SEPTIN11: variants seen among roughly 807,000 people sequenced by gnomAD.
The protein encoded by SEPTIN11 is septin-11.
SEPTIN11 carries 25 observed loss-of-function variants against 51.4 expected under a neutral mutation model. The observed-to-expected ratio is 0.49, with a 90% CI of 0.35 to 0.68. The LOEUF (loss-of-function observed/expected upper bound fraction) is 0.68. Ranked by LOEUF, SEPTIN11 falls within the 30% of genes least tolerant of loss-of-function variation. The pLI is 0.00. For missense variants in SEPTIN11, 381 were observed against 520.8 expected (o/e 0.73, Z 2.61); for synonymous variants, 174 against 184.1 (o/e 0.95, Z 0.44).
At chr4:76,990,628 G>T (rs1412545031) in intron 1 of SEPTIN11, among the ~76,000 whole-genome samples, 2 of 152,168 alleles carry the variant, frequency 1.3e-5, no homozygotes, top group East Asian at 3.9e-4. Context: ...TTCCTTATGA[G>T]AATCTAATGC....
chr4:76,959,255 T>G (rs1281225086), intron 1 of SEPTIN11: 1 of 159,190 alleles, frequency 6.3e-6, no homozygotes, highest in African/African-American at 2.4e-5. Context: ...AAGACAAGGT[T>G]TTTTTTTTTT....
Position 77,014,661 on chromosome 4 carries a change from CAAA to C in SEPTIN11, c.526-183_526-181del, listed in dbSNP as rs11323704. Among the ~76,000 whole-genome samples, 634 of 144,904 alleles carry C rather than the reference CAAA, an allele frequency of 4.4e-3. 5 individuals carry two copies. Among genetic ancestry groups the C allele is most frequent in the African/African-American group, 0.015 (599 of 39,658 alleles). The stretch of plus-strand genomic sequence containing the variant: ...CTGATTTTCATTATCATCTCTACCC[CAAA>C]AAAAAAAAAAATTGTAGGTACATAG... On this transcript the variant is annotated intron_variant, in intron 4 of 9. Coordinates refer to ENST00000264893, the MANE Select transcript of SEPTIN11 (RefSeq NM_018243.4).
intron 5 of SEPTIN11, among the ~76,000 whole-genome samples, chr4:77,018,204 A>G (rs1725432585): frequency 6.6e-6 from 1 of 151,742 alleles, no homozygotes; most frequent in Non-Finnish European, 1.5e-5. Context: ...TAATCCCAGC[A>G]CTTTCGGAGG....
intron 7 of SEPTIN11, chr4:77,020,949 A>C: frequency 5.7e-6 from 2 of 350,622 alleles, no homozygotes; most frequent in Admixed American, 4.5e-5. Flanking sequence ...GTAGTAAACA[A>C]TGGTGTGGTG....
intron 9 of SEPTIN11, among the ~76,000 whole-genome samples, chr4:77,033,217 A>G (rs758271166): frequency 1.3e-5 from 2 of 152,048 alleles, no homozygotes; most frequent in African/African-American, 2.4e-5. Flanking sequence ...GGTTAGAGGG[A>G]CCGCAGAAAG....
chr4:76,958,190 C>T (rs1560692340), intron 1 of SEPTIN11, among the ~76,000 whole-genome samples: 7 of 152,222 alleles, frequency 4.6e-5, no homozygotes. Context: ...AGGTGTAGAC[C>T]TCGCAAGTCC....
In SEPTIN11 at chr4:77,038,608, A is replaced by T. The variant is rs1362308705; in HGVS notation, c.*4096A>T. 31 of 993,456 alleles carry T rather than the reference A, an allele frequency of 3.1e-5. No individual in the cohort carries two copies. Among genetic ancestry groups the T allele is most frequent in the Non-Finnish European group, 3.6e-5 (30 of 835,054 alleles). 61.5% of individuals were successfully genotyped at this position (993,456 alleles called of 1,614,324 possible). Reference sequence around the variant, plus strand: ...AGCGGGGGAAAATATATTTTTACCCAAACATTATTTGTGTGCCCTTTTTTG... The same window carrying T: ...AGCGGGGGAAAATATATTTTTACCCTAACATTATTTGTGTGCCCTTTTTTG... On this transcript the variant is annotated 3_prime_UTR_variant, in exon 10 of 10. Transcript: ENST00000264893.
At chr4:76,974,686 T>G in intron 1 of SEPTIN11, 1 of 448,000 alleles carries the variant, frequency 2.2e-6, no homozygotes, top group South Asian at 1.6e-5. Flanking sequence ...GTCACCGATC[T>G]TGTGTTTAGG....
At position 76,999,256 on chromosome 4, in the gene SEPTIN11, G is replaced by A. The variant is rs77524686; in HGVS notation, c.142+2717G>A. Among the ~76,000 whole-genome samples the A allele has an allele frequency of 5.8e-3, 885 of 152,164 alleles. 10 individuals are homozygous for A. The highest frequency in any genetic ancestry group is 0.02 in the African/African-American group (829 of 41,520). ...CTCAGAGAGTTGAATATCAAATCCC[G>A]TTGCCATACATATTTTATAGCATAA... On this transcript the variant is annotated intron_variant, in intron 2 of 9. Coordinates refer to ENST00000264893, the MANE Select transcript of SEPTIN11 (RefSeq NM_018243.4).
chr4:77,016,655 T>TATATAC (rs1553975019), intron 5 of SEPTIN11, among the ~76,000 whole-genome samples: 3 of 109,024 alleles, frequency 2.8e-5, no homozygotes, highest in Admixed American at 9.3e-5. Flanking sequence ...TATATATATA[T>TATATAC]ACACATATAT....
At chr4:76,958,727 T>G in intron 1 of SEPTIN11, 1 of 557,696 alleles carries the variant, frequency 1.8e-6, no homozygotes, top group South Asian at 2.3e-5. Context: ...TTGTTGTTGT[T>G]AGAATTAATG....
intron 1 of SEPTIN11, chr4:76,958,746 T>C (rs543517062): frequency 1.7e-6 from 1 of 596,994 alleles, no homozygotes; most frequent in Non-Finnish European, 2.9e-6. Flanking sequence ...TGTTTTATTG[T>C]CACCCAGATG....
intron 1 of SEPTIN11, among the ~76,000 whole-genome samples, chr4:76,971,652 TAG>T (rs1350902260): frequency 6.6e-6 from 1 of 152,190 alleles, no homozygotes; most frequent in Non-Finnish European, 1.5e-5. Flanking sequence ...GAGGTTGTTT[TAG>T]CTAAGTACTT....
intron 5 of SEPTIN11, among the ~76,000 whole-genome samples, chr4:77,016,521 TG>T (rs1725242983): frequency 6.9e-6 from 1 of 145,410 alleles, no homozygotes; most frequent in Non-Finnish European, 1.5e-5. Context: ...ATATATATTT[TG>T]TATTATTGTT....
chr4:76,953,565 C>T (rs551605790), intron 1 of SEPTIN11, among the ~76,000 whole-genome samples: 2 of 152,096 alleles, frequency 1.3e-5, no homozygotes. Context: ...TGGCTGTGGT[C>T]GGTGTGCCTG....
At position 76,949,925 on chromosome 4, in the gene SEPTIN11, C is replaced by T. The variant is rs755127981; in HGVS notation, c.22C>T (p.Pro8Ser). ...TGCGATGGCCGTGGCCGTGGGGAGA[C>T]CGTCTGTGAGTGCTGGGGCCTCGCC... MAVAVGR[P>S]SNEELRNLSL... The change falls in exon 1 of 10, where the codon CCG becomes TCG. Residue 8 changes from proline to serine, a missense_variant. Transcript: ENST00000264893. 1.9e-5 allele frequency: 29 copies of T among 1,526,646 alleles called. No individual in the cohort carries two copies. The highest frequency in any genetic ancestry group is 2.2e-5 in the Non-Finnish European group (25 of 1,144,428). The allele number at this position is 1,526,646 out of a possible 1,614,324, so 94.6% of individuals were successfully genotyped here. A position where few individuals can be genotyped will look rare whatever the true frequency, so the allele number is the denominator to read the frequency against.
At chr4:76,967,802 T>C (rs1169215697) in intron 1 of SEPTIN11, among the ~76,000 whole-genome samples, 1 of 152,162 alleles carries the variant, frequency 6.6e-6, no homozygotes, top group Non-Finnish European at 1.5e-5. Context: ...AAGCTTTTTG[T>C]GTGTGCAGAA....
At position 77,001,023 on chromosome 4, in the gene SEPTIN11, G is replaced by A. The variant is rs577444561; in HGVS notation, c.142+4484G>A. Among the ~76,000 whole-genome samples, 26 of 152,234 alleles carry A rather than the reference G, an allele frequency of 1.7e-4. No homozygotes were observed. In the East Asian group the frequency reaches 2.3e-3, roughly 14 times the overall value. On this transcript the variant is annotated intron_variant, in intron 2 of 9. Transcript: ENST00000264893. ...AGATCAACAATTTGTTCAATCTACC[G>A]TTACCTTCTAATTAATAATACAATC...
chr4:77,013,279 T>C (rs4859730), intron 4 of SEPTIN11, among the ~76,000 whole-genome samples: 22,404 of 152,154 alleles, frequency 0.15, 2,132 homozygotes, highest in East Asian at 0.35. Flanking sequence ...AGAAGTGATA[T>C]TGTTGGAGAG....
Sources: gnomAD v4.1 joint callset for allele counts (sites outside exome capture counted in the v4.1 genomes callset) on GRCh38, gnomAD v4.1.1 for gene constraint, MANE v1.5 for transcripts, NCBI Gene and HGNC (gene_info 2026-07-23, HGNC 2026-07-21) for gene names.